Variants in MARCHF7 observed in about 807,000 individuals in gnomAD.
The protein encoded by MARCHF7 is membrane associated ring-CH-type finger 7.
Under a neutral mutation model 76.5 loss-of-function variants are expected in MARCHF7, and 20 were observed. The observed-to-expected ratio is 0.26, with a 90% CI of 0.18 to 0.38. The LOEUF (loss-of-function observed/expected upper bound fraction) is 0.38, where lower values mean the gene tolerates loss of function less well. Ranked by LOEUF, MARCHF7 falls within the 10% of genes least tolerant of loss-of-function variation. The pLI, the probability that MARCHF7 is intolerant of heterozygous loss-of-function variation, is 1.00. For missense variants in MARCHF7, 797 were observed against 812.9 expected (o/e 0.98, Z 0.24); for synonymous variants, 295 against 293.0 (o/e 1.01, Z -0.07).
At position 159,767,840 on chromosome 2, in the gene MARCHF7, TAAAA is replaced by T. The variant is rs1287084964; in HGVS notation, c.*502_*505del. 1 of 152,396 alleles carries T rather than the reference TAAAA, an allele frequency of 6.6e-6. No individual in the cohort carries two copies. Among genetic ancestry groups the T allele is most frequent in the Non-Finnish European group, 1.5e-5 (1 of 67,946 alleles). The allele number at this position is 152,396 out of a possible 1,614,324, so 9.4% of individuals were successfully genotyped here. On this transcript the variant is annotated 3_prime_UTR_variant, in exon 12 of 12. Transcript: ENST00000409175. ...TCATTTGCTTCCAGTGTTTAAAAAT[TAAAA>T]AAAGAATGGGGAGAAGGTTATGAGA...
chr2:159,715,397 G>C (rs984854080), intron 2 of MARCHF7, among the ~76,000 whole-genome samples: 1 of 152,032 alleles, frequency 6.6e-6, no homozygotes, highest in Non-Finnish European at 1.5e-5. Context: ...GTGTGTGACA[G>C]GGTCTCACTC....
Position 159,748,476 on chromosome 2 carries a change from C to G in MARCHF7, c.1186C>G (p.Pro396Ala). The G allele has an allele frequency of 6.2e-7, 1 of 1,614,066 alleles. No individual in the cohort carries two copies. Among genetic ancestry groups the G allele is most frequent in the Non-Finnish European group, 8.5e-7 (1 of 1,179,972 alleles). Residue 396 changes from proline (P) to alanine (A), a missense_variant, in exon 7 of 12, where the codon CCT (proline) becomes GCT (alanine). Pro to Ala is a conservative substitution (Grantham distance 27). Coordinates refer to ENST00000409175, the MANE Select transcript of MARCHF7 (RefSeq NM_001282805.2). ...LSSSLRNRCT[P>A]LFSRRRREGR... ...TTCCTCACTTAGAAATAGATGCACACCTTTGTTCTCTAGAAGGAGGCGAGA... is the reference window on the plus strand; with the variant it reads ...TTCCTCACTTAGAAATAGATGCACAGCTTTGTTCTCTAGAAGGAGGCGAGA...
chr2:159,724,713 A>G (rs1422067412), intron 3 of MARCHF7, among the ~76,000 whole-genome samples: 3 of 152,158 alleles, frequency 2.0e-5, no homozygotes, highest in African/African-American at 7.2e-5. Context: ...TTTAAGTTCT[A>G]GGGTACACGT....
chr2:159,729,248 T>A, intron 4 of MARCHF7, 73 bp downstream of exon 4: 1 of 1,108,342 alleles, frequency 9.0e-7, no homozygotes, highest in Non-Finnish European at 1.2e-6. Context: ...TGGGGGTATT[T>A]AAAAAATGTG....
rs1269821970 is a variant in MARCHF7 at position 159,714,020 on chromosome 2, A to AT, written c.-142-533dup. Among the ~76,000 whole-genome samples, 6 of 152,254 alleles carry AT rather than the reference A, an allele frequency of 3.9e-5. No homozygotes were observed. The East Asian group carries it at 7.7e-4, about 20-fold the overall frequency. On this transcript the variant is annotated intron_variant, in intron 1 of 11. Transcript: ENST00000409175. ...TTTTTCTGCCACCTGGAAGAGGGCT[A>AT]TTTTCCCAGATAAAGCACGAGGATG...
intron 4 of MARCHF7, among the ~76,000 whole-genome samples, chr2:159,735,957 A>G (rs902303295): frequency 6.6e-6 from 1 of 152,176 alleles, no homozygotes; most frequent in Non-Finnish European, 1.5e-5. Flanking sequence ...GTGATAGCCC[A>G]TCTCTAAAAA....
Position 159,764,665 on chromosome 2 carries a change from G to C in MARCHF7, c.2047G>C (p.Asp683His). 6.2e-7 allele frequency: 1 copy of C among 1,601,678 alleles called. No homozygotes were observed. The highest frequency in any genetic ancestry group is 8.5e-7 in the Non-Finnish European group (1 of 1,174,698). Residue 683 changes from aspartate to histidine, a missense_variant, in exon 11 of 12, where the codon GAT (aspartate) becomes CAT (histidine). Physicochemically the swap from Asp to His is moderately conservative, Grantham distance 81. Around this residue, in one of 3 missense-constraint regions of MARCHF7, gnomAD observed 124 missense variants for 121.3 expected, o/e 1.02. Transcript: ENST00000409175. ...AAGAACTCTTCAGGCACATATGGAA[G>C]ATCTCGAAAGTAGGTGGAATTTCCC... The part of the protein sequence containing the change: ...LARTLQAHME[D>H]LETSEDDSEE...
chr2:159,765,895 C>A (rs536361784), intron 11 of MARCHF7, among the ~76,000 whole-genome samples: 1 of 152,226 alleles, frequency 6.6e-6, no homozygotes, highest in South Asian at 2.1e-4. Flanking sequence ...TGGCCTAATA[C>A]AAAGGTCTCT....
At chr2:159,728,014 T>C (rs1379830861) in intron 3 of MARCHF7, among the ~76,000 whole-genome samples, 1 of 152,266 alleles carries the variant, frequency 6.6e-6, no homozygotes, top group Admixed American at 6.5e-5. Context: ...ATAAATAGAA[T>C]CATACTGTAT....
At chr2:159,749,117 T>TA (rs1006713246) in intron 7 of MARCHF7, among the ~76,000 whole-genome samples, 8 of 151,660 alleles carry the variant, frequency 5.3e-5, no homozygotes, top group African/African-American at 1.9e-4. Flanking sequence ...TAGCTGGGAC[T>TA]ACAGGTGCAC....
chr2:159,756,106 G>A (rs1404499302), intron 8 of MARCHF7, among the ~76,000 whole-genome samples: 1 of 152,140 alleles, frequency 6.6e-6, no homozygotes, highest in Non-Finnish European at 1.5e-5. Context: ...TACATGTAAA[G>A]TGCTTAGTAT....
rs759356701 is a variant in MARCHF7, at chr2:159,759,302, T to C, written c.1860T>C (p.Ile620=). ...KLELNLEDFD[I]HELHRAHANE... is the part of the protein sequence containing the mutation. The stretch of plus-strand genomic sequence containing the variant: ...AGCTTAACCTGGAGGATTTTGATAT[T>C]CATGAACTACATAGAGCTCATGCAA... The change falls in exon 9 of 12, where the codon ATT becomes ATC. Residue 620 remains isoleucine, a synonymous_variant. Transcript: ENST00000409175. 1 of 1,610,746 alleles carries C rather than the reference T, an allele frequency of 6.2e-7. No homozygotes were observed. The highest frequency in any genetic ancestry group is 1.1e-5 in the South Asian group (1 of 90,972).
At chr2:159,745,234 G>A (rs988509721) in intron 5 of MARCHF7, among the ~76,000 whole-genome samples, 1 of 152,200 alleles carries the variant, frequency 6.6e-6, no homozygotes, top group African/African-American at 2.4e-5. Context: ...AGATTTTAAT[G>A]TTAGGCAGAG....
At chr2:159,763,921 A>G (rs1268835575) in intron 10 of MARCHF7, among the ~76,000 whole-genome samples, 3 of 152,186 alleles carry the variant, frequency 2.0e-5, no homozygotes, top group East Asian at 1.9e-4. Flanking sequence ...AATTTGAGCA[A>G]AGATCTCTTG....
intron 10 of MARCHF7, among the ~76,000 whole-genome samples, chr2:159,763,772 GCAATT>G (rs1484709170): frequency 1.3e-5 from 2 of 152,118 alleles, no homozygotes; most frequent in African/African-American, 4.8e-5. Flanking sequence ...TCAAATAACT[GCAATT>G]CAATGTATGT....
At chr2:159,730,126 CTCTGGCTCAAAT>C (rs1203057189) in intron 4 of MARCHF7, among the ~76,000 whole-genome samples, 1 of 152,132 alleles carries the variant, frequency 6.6e-6, no homozygotes, top group African/African-American at 2.4e-5. Context: ...TGGTCTCAAA[CTCTGGCTCAAAT>C]GACTCTCCCA....
At position 159,729,032 on chromosome 2, in the gene MARCHF7, A is replaced by G. The variant is rs535019699; in HGVS notation, c.10A>G (p.Lys4Glu). The G allele has an allele frequency of 1.3e-6, 2 of 1,580,094 alleles. No homozygotes were observed. The highest frequency in any genetic ancestry group is 2.4e-5 in the South Asian group (2 of 84,934). Residue 4 changes from lysine to glutamate, a missense_variant, in exon 4 of 12, where the codon AAA becomes GAA. By Grantham distance (56) the Lys-to-Glu change is moderately conservative (BLOSUM62 1). Around this residue, in one of 3 missense-constraint regions of MARCHF7, gnomAD observed 643 missense variants for 631.5 expected, o/e 1.02. Coordinates refer to ENST00000409175, the MANE Select transcript of MARCHF7 (RefSeq NM_001282805.2). ...AGAAAAATCTTTAAGAATGGAGTCT[A>G]AACCTTCAAGGATTCCAAGAAGAAT... Reference protein sequence around the residue: MESKPSRIPRRISV... With the variant: MESEPSRIPRRISV...
chr2:159,768,275 T>G lies in MARCHF7; in HGVS notation c.*933T>G, dbSNP rs993647929. 1 of 152,576 alleles carries G rather than the reference T, an allele frequency of 6.6e-6. No homozygotes were observed. The highest frequency in any genetic ancestry group is 2.4e-5 in the African/African-American group (1 of 41,454). 9.5% of individuals were successfully genotyped at this position (152,576 alleles called of 1,614,324 possible). ...TTCCTTGGTAATTCTGAGCATTTATTTGATGACTTAATATTTTTCACTACC... is the reference window on the plus strand; with the variant it reads ...TTCCTTGGTAATTCTGAGCATTTATGTGATGACTTAATATTTTTCACTACC... On this transcript the variant is annotated 3_prime_UTR_variant, in exon 12 of 12. Transcript: ENST00000409175.
chr2:159,736,956 A>G (rs1019713838), intron 4 of MARCHF7, among the ~76,000 whole-genome samples: 11 of 152,230 alleles, frequency 7.2e-5, no homozygotes, highest in African/African-American at 2.4e-4. Context: ...TAATTCATAT[A>G]CCATACAATT....
Sources: gnomAD v4.1 joint callset for allele counts (sites outside exome capture counted in the v4.1 genomes callset) on GRCh38, gnomAD v4.1.1 for gene constraint, gnomAD v4.1.1 regional missense constraint, MANE v1.5 for transcripts, NCBI Gene and HGNC (gene_info 2026-07-23, HGNC 2026-07-21) for gene names.